The following LAMC2 variants were observed in gnomAD, a reference collection of about 807,000 sequenced individuals.
LAMC2 encodes the protein laminin subunit gamma-2.
Under a neutral mutation model 140.2 loss-of-function variants are expected in LAMC2, and 97 were observed. The observed-to-expected ratio is 0.69, with a 90% CI of 0.59 to 0.82. The LOEUF (loss-of-function observed/expected upper bound fraction) is 0.82, where lower values mean the gene tolerates loss of function less well. Ranked by LOEUF, LAMC2 falls within the 40% of genes least tolerant of loss-of-function variation. The pLI, the probability that LAMC2 is intolerant of heterozygous loss-of-function variation, is 0.00. For synonymous variants in LAMC2, 513 were observed against 540.2 expected, an observed-to-expected ratio of 0.95 and a Z score of 0.70; for missense variants, 1,402 against 1,476.1, an observed-to-expected ratio of 0.95 and a Z score of 0.82.
At chr1:183,198,838 AGGGT>A (rs1189257154) in intron 1 of LAMC2, among the ~76,000 whole-genome samples, 5 of 152,182 alleles carry the variant, frequency 3.3e-5, no homozygotes. Context: ...GGGCAGTCCT[AGGGT>A]GGAAATAGTT....
At chr1:183,233,347 G>A (rs908276574) in intron 14 of LAMC2, among the ~76,000 whole-genome samples, 1 of 152,154 alleles carries the variant, frequency 6.6e-6, no homozygotes, top group Non-Finnish European at 1.5e-5. Flanking sequence ...AGGGAAGGAA[G>A]GAAGGAAGGA....
intron 1 of LAMC2, among the ~76,000 whole-genome samples, chr1:183,195,999 G>A (rs1444562697): frequency 3.9e-5 from 6 of 152,144 alleles, no homozygotes; most frequent in African/African-American, 7.2e-5. Flanking sequence ...CAGACTTGAA[G>A]ACATGGATTT....
chr1:183,218,551 T>A, intron 4 of LAMC2, 63 bp downstream of exon 4: 2 of 1,189,800 alleles, frequency 1.7e-6, no homozygotes, highest in Non-Finnish European at 2.5e-6. Context: ...GCATGAGAAT[T>A]AATCCTCCGA....
Position 183,240,121 on chromosome 1 carries a change from A to T in LAMC2, c.3151A>T (p.Ser1051Cys), listed in dbSNP as rs758051890. The T allele has an allele frequency of 3.1e-6, 5 of 1,614,028 alleles. No individual in the cohort carries two copies. The Admixed American group carries it at 5.0e-5, about 16-fold the overall frequency. Residue 1051 changes from serine to cysteine, a missense_variant, in exon 21 of 23, where the codon AGT becomes TGT. Physicochemically the swap from Ser to Cys is moderately radical, Grantham distance 112. Transcript: ENST00000264144. ...AMEKGLASLK[S>C]EMREVEGELE... Reference sequence around the variant, plus strand: ...GGAAAAGGGACTGGCCTCTCTGAAGAGTGAGATGAGGGAAGTGGAAGGAGA... The same window carrying T: ...GGAAAAGGGACTGGCCTCTCTGAAGTGTGAGATGAGGGAAGTGGAAGGAGA...
chr1:183,243,035 G>T, intron 22 of LAMC2, 112 bp from the exon 23 acceptor site: 1 of 1,156,136 alleles, frequency 8.6e-7, no homozygotes, highest in Non-Finnish European at 1.3e-6. Flanking sequence ...TATACTATTT[G>T]CTCTAGGCAA....
At chr1:183,238,503 T>C (rs1262405680) in intron 19 of LAMC2, 82 bp downstream of exon 19, 9 of 878,380 alleles carry the variant, frequency 1.0e-5, no homozygotes, top group Non-Finnish European at 9.7e-6. Context: ...CATATGTCTC[T>C]CTAAGTGGCA....
intron 7 of LAMC2, among the ~76,000 whole-genome samples, chr1:183,224,781 G>A (rs1039670058): frequency 6.6e-6 from 1 of 151,880 alleles, no homozygotes; most frequent in African/African-American, 2.4e-5. Context: ...CAGCTTACAT[G>A]TTCTTCCTTT....
chr1:183,230,861 C>A, intron 11 of LAMC2, 100 bp from the exon 12 acceptor site: 3 of 1,354,890 alleles, frequency 2.2e-6, no homozygotes, highest in African/African-American at 1.4e-5. Context: ...TAAAAGGATT[C>A]TCTGCTGTTG....
chr1:183,219,377 AAGAC>A (rs79317271), intron 4 of LAMC2, among the ~76,000 whole-genome samples: 39,072 of 151,964 alleles, frequency 0.26, 5,781 homozygotes, highest in African/African-American at 0.39. Context: ...TTCAAAATAA[AAGAC>A]AGAAATAGAA....
At chr1:183,205,159 T>G (rs1658846079) in intron 1 of LAMC2, among the ~76,000 whole-genome samples, 1 of 152,164 alleles carries the variant, frequency 6.6e-6, no homozygotes, top group African/African-American at 2.4e-5. Flanking sequence ...GAAAAATTTG[T>G]AGTTATTTTG....
intron 2 of LAMC2, among the ~76,000 whole-genome samples, chr1:183,208,390 G>A (rs1179946630): frequency 6.6e-6 from 1 of 152,114 alleles, no homozygotes; most frequent in Non-Finnish European, 1.5e-5. Flanking sequence ...CCAGGCAGGT[G>A]ACAGTCTTTT....
intron 3 of LAMC2, among the ~76,000 whole-genome samples, chr1:183,217,946 C>A (rs1199273434): frequency 6.6e-6 from 1 of 152,124 alleles, no homozygotes; most frequent in African/African-American, 2.4e-5. Flanking sequence ...GAATTACCAA[C>A]AGAAAGAACT....
Position 183,228,492 on chromosome 1 carries a change from G to C in LAMC2, c.1587G>C (p.Gly529=). The C allele has an allele frequency of 6.2e-7, 1 of 1,613,936 alleles. No individual in the cohort carries two copies. The highest frequency in any genetic ancestry group is 1.3e-5 in the African/African-American group (1 of 74,964). Residue 529 remains glycine (G), a synonymous_variant, in exon 11 of 23, where the codon GGG becomes GGC. Transcript: ENST00000264144. The surrounding 1 kb of genome is among the most constrained non-coding windows in gnomAD (Gnocchi z 4.3). ...CNNNVDPSAS[G]NCDRLTGRCL... is the part of the protein sequence containing the mutation. ...ACAATGTGGACCCCAGTGCCTCTGG[G>C]AATTGTGACCGGCTGACAGGCAGGT...
chr1:183,196,288 C>T (rs1056623847), intron 1 of LAMC2, among the ~76,000 whole-genome samples: 2 of 152,064 alleles, frequency 1.3e-5, no homozygotes, highest in African/African-American at 2.4e-5. Context: ...TAGGTGTGTG[C>T]CACCACGCCC....
At chr1:183,255,155 C>A in the LAMC2 span, among the ~76,000 whole-genome samples, 1 of 152,194 alleles carries the variant, frequency 6.6e-6, no homozygotes, top group East Asian at 1.9e-4. Context: ...TTTTCCAGCA[C>A]CATCTATTGA....
intron 4 of LAMC2, among the ~76,000 whole-genome samples, chr1:183,220,389 G>A (rs1659430904): frequency 6.6e-6 from 1 of 152,140 alleles, no homozygotes; most frequent in African/African-American, 2.4e-5. Context: ...GGTCAATAGA[G>A]CTGAGTGGTG....
intron 2 of LAMC2, among the ~76,000 whole-genome samples, chr1:183,210,501 G>T (rs923336898): frequency 6.6e-6 from 1 of 152,088 alleles, no homozygotes; most frequent in Non-Finnish European, 1.5e-5. Context: ...ATTAATGAAT[G>T]GCCTAAAGTC....
In LAMC2 at chr1:183,226,676, T is replaced by C. The variant is rs527414552; in HGVS notation, c.1067-22T>C. 122 of 1,600,936 alleles carry C rather than the reference T, an allele frequency of 7.6e-5. No homozygotes were observed. The East Asian group carries it at 2.6e-3, about 35-fold the overall frequency. ...TTTAGACTGTACCACTTGCAACTTC[T>C]AACCTGTTCTCTCGATTGCAGGTAC... On this transcript the variant is annotated intron_variant, in intron 8 of 22. Transcript: ENST00000264144.
chr1:183,199,512 TTCTC>T (rs1658638914), intron 1 of LAMC2, among the ~76,000 whole-genome samples: 1 of 151,718 alleles, frequency 6.6e-6, no homozygotes, highest in Non-Finnish European at 1.5e-5. Context: ...CTCAATTCCT[TTCTC>T]TCTCCTTCTA....
Sources: gnomAD v4.1 joint callset for allele counts (sites outside exome capture counted in the v4.1 genomes callset) on GRCh38, gnomAD v4.1.1 for gene constraint, Gnocchi (gnomAD v3.1) non-coding constraint, MANE v1.5 for transcripts, NCBI Gene and HGNC (gene_info 2026-07-23, HGNC 2026-07-21) for gene names.